GHR: variants seen among roughly 807,000 people sequenced by gnomAD.
GHR encodes the protein GH receptor.
Under a neutral mutation model 67.1 loss-of-function variants are expected in GHR, and 35 were observed. The observed-to-expected ratio is 0.52, with a 90% CI of 0.40 to 0.69. The LOEUF is 0.69. Among genes scored for constraint, GHR ranks in the 30% least tolerant of loss-of-function variants. GHR has a pLI of 0.00. For missense variants in GHR, 792 were observed against 764.6 expected, an observed-to-expected ratio of 1.04 and a Z score of -0.42; for synonymous variants, 272 against 269.1, an observed-to-expected ratio of 1.01 and a Z score of -0.10.
At chr5:42,696,702 C>T (rs945106124) in intron 5 of GHR, among the ~76,000 whole-genome samples, 1 of 152,124 alleles carries the variant, frequency 6.6e-6, no homozygotes, top group Non-Finnish European at 1.5e-5. Flanking sequence ...CTTTAACTGT[C>T]ACGAGGTACC....
rs1392130743 is a variant in GHR at position 42,719,946 on chromosome 5, T to A, written c.*522T>A. ...GTTTGGATATGTAAAACATTTATTTTGACATAAAGTTGATAAAGATTTTTT... is the reference window on the plus strand; with the variant it reads ...GTTTGGATATGTAAAACATTTATTTAGACATAAAGTTGATAAAGATTTTTT... On this transcript the variant is annotated 3_prime_UTR_variant, in exon 10 of 10. Coordinates refer to ENST00000230882, the MANE Select transcript of GHR (RefSeq NM_000163.5). The A allele has an allele frequency of 6.0e-6, 1 of 166,982 alleles. No homozygotes were observed. The highest frequency in any genetic ancestry group is 1.2e-5 in the Non-Finnish European group (1 of 85,684). 10.3% of individuals were successfully genotyped at this position (166,982 alleles called of 1,614,324 possible).
chr5:42,554,741 C>A (rs1749217940), intron 1 of GHR, among the ~76,000 whole-genome samples: 4 of 151,746 alleles, frequency 2.6e-5, no homozygotes. Context: ...ATCAAAGATC[C>A]AGTATGAGAA....
chr5:42,646,472 T>A, intron 3 of GHR: 1 of 342,860 alleles, frequency 2.9e-6, no homozygotes. Context: ...TTTACCCAGG[T>A]AAATAAGCAA....
chr5:42,447,923 A>G (rs1481817578), intron 1 of GHR, among the ~76,000 whole-genome samples: 1 of 151,742 alleles, frequency 6.6e-6, no homozygotes, highest in Non-Finnish European at 1.5e-5. Flanking sequence ...AACCATGCCT[A>G]GCTACTTTTT....
intron 1 of GHR, among the ~76,000 whole-genome samples, chr5:42,504,337 G>A (rs1404318333): frequency 1.3e-5 from 2 of 152,182 alleles, no homozygotes; most frequent in Non-Finnish European, 2.9e-5. Flanking sequence ...AATGGGGACA[G>A]TGTCAAGCAG....
At chr5:42,618,765 G>A (rs1292824761) in intron 2 of GHR, among the ~76,000 whole-genome samples, 2 of 152,016 alleles carry the variant, frequency 1.3e-5, no homozygotes, top group East Asian at 1.9e-4. Flanking sequence ...CTTTATAGAT[G>A]GGAATTGGCT....
chr5:42,641,502 G>A (rs1166955509), intron 3 of GHR, among the ~76,000 whole-genome samples: 1 of 152,106 alleles, frequency 6.6e-6, no homozygotes, highest in Admixed American at 6.5e-5. Flanking sequence ...AGGGCAGCCT[G>A]TGTGATTCAT....
chr5:42,685,113 G>T (rs1757075152), intron 3 of GHR, among the ~76,000 whole-genome samples: 1 of 151,944 alleles, frequency 6.6e-6, no homozygotes, highest in Admixed American at 6.6e-5. Context: ...CCCTCAACAG[G>T]CCCCAGTGTG....
At chr5:42,642,236 G>C (rs999750441) in intron 3 of GHR, among the ~76,000 whole-genome samples, 3 of 152,116 alleles carry the variant, frequency 2.0e-5, no homozygotes, top group African/African-American at 7.2e-5. Context: ...TGCAGAATGA[G>C]AACGCCCTTC....
At chr5:42,680,523 A>C (rs1390177925) in intron 3 of GHR, among the ~76,000 whole-genome samples, 3 of 148,182 alleles carry the variant, frequency 2.0e-5, no homozygotes, top group Non-Finnish European at 4.5e-5. Context: ...TTTTTTTTTT[A>C]GACAGAGTCT....
chr5:42,533,441 T>C (rs562383282), intron 1 of GHR, among the ~76,000 whole-genome samples: 63 of 152,108 alleles, frequency 4.1e-4, no homozygotes, highest in African/African-American at 1.5e-3. Context: ...CATGGCATCT[T>C]TTAACACACG....
At chr5:42,659,987 C>T (rs1755489875) in intron 3 of GHR, among the ~76,000 whole-genome samples, 1 of 152,160 alleles carries the variant, frequency 6.6e-6, no homozygotes, top group Non-Finnish European at 1.5e-5. Flanking sequence ...GTCCTACGCC[C>T]ACGGAGTCTC....
chr5:42,460,330 T>G (rs945400117), intron 1 of GHR, among the ~76,000 whole-genome samples: 3 of 152,236 alleles, frequency 2.0e-5, no homozygotes, highest in African/African-American at 7.2e-5. Context: ...GTTACTTAAA[T>G]TTACTAAATA....
Position 42,567,069 on chromosome 5 carries a change from A to G in GHR, c.70+1125A>G, listed in dbSNP as rs34784508. ...AACATTATGCAAGTCAAACATGGAG[A>G]GAATTGCAGGCTCCATTTCAGCAGC... On this transcript the variant is annotated intron_variant, in intron 2 of 9. Transcript: ENST00000230882. Among the ~76,000 whole-genome samples the G allele has an allele frequency of 3.8e-3, 575 of 152,266 alleles. 4 individuals carry two copies. The highest frequency in any genetic ancestry group is 0.013 in the African/African-American group (551 of 41,562).
At position 42,664,214 on chromosome 5, in the gene GHR, G is replaced by A. The variant is rs530432542; in HGVS notation, c.137-24676G>A. Reference sequence around the variant, plus strand: ...ATGCCATCCCCATCAAGCTACCAATGACTTTCTTCACAGAATTGGAAAAAA... The same window carrying A: ...ATGCCATCCCCATCAAGCTACCAATAACTTTCTTCACAGAATTGGAAAAAA... On this transcript the variant is annotated intron_variant, in intron 3 of 9. Transcript: ENST00000230882. Among the ~76,000 whole-genome samples the A allele has an allele frequency of 2.8e-3, 420 of 151,710 alleles. 2 individuals are homozygous for A. The highest frequency in any genetic ancestry group is 9.8e-3 in the African/African-American group (406 of 41,312).
chr5:42,599,335 C>A (rs1361849043), intron 2 of GHR, among the ~76,000 whole-genome samples: 1 of 148,964 alleles, frequency 6.7e-6, no homozygotes, highest in African/African-American at 2.5e-5. Flanking sequence ...AGCTCATGGG[C>A]ATGTTGTTTG....
chr5:42,687,680 G>C (rs1291915808), intron 3 of GHR, among the ~76,000 whole-genome samples: 1 of 152,086 alleles, frequency 6.6e-6, no homozygotes, highest in Non-Finnish European at 1.5e-5. Context: ...CCTGGAATTT[G>C]GAATCATGAG....
chr5:42,476,147 C>A (rs1208803786), intron 1 of GHR, among the ~76,000 whole-genome samples: 1 of 152,080 alleles, frequency 6.6e-6, no homozygotes, highest in African/African-American at 2.4e-5. Flanking sequence ...TCGTGATTTG[C>A]CCGCCTCAGC....
chr5:42,540,890 G>A (rs539246464), intron 1 of GHR, among the ~76,000 whole-genome samples: 9 of 150,950 alleles, frequency 6.0e-5, no homozygotes, highest in Non-Finnish European at 1.3e-4. Context: ...CTCAAATAAA[G>A]CAGATCTAGC....
Sources: gnomAD v4.1 joint callset for allele counts (sites outside exome capture counted in the v4.1 genomes callset) on GRCh38, gnomAD v4.1.1 for gene constraint, MANE v1.5 for transcripts, NCBI Gene and HGNC (gene_info 2026-07-23, HGNC 2026-07-21) for gene names.